The following RBM41 variants were observed in gnomAD, a reference collection of about 807,000 sequenced individuals.
RBM41 encodes RNA-binding protein 41.
Under a neutral mutation model 30.8 loss-of-function variants are expected in RBM41, and 14 were observed. That is an observed-to-expected ratio of 0.45 (90% CI 0.30 to 0.71). RBM41 has a LOEUF of 0.71. Ranked by LOEUF, RBM41 falls within the 30% of genes least tolerant of loss-of-function variation. The probability of loss-of-function intolerance (pLI) is 0.08; values close to 1 mark genes in which losing one functional copy is unlikely to be tolerated. For missense variants in RBM41, 276 were observed against 326.3 expected (o/e 0.85, Z 1.19); for synonymous variants, 120 against 110.1 (o/e 1.09, Z -0.56).
chrX:107,090,971 C>T (rs1359790476), intron 5 of RBM41, among the ~76,000 whole-genome samples: 1 of 108,677 alleles, frequency 9.2e-6, no homozygotes, highest in African/African-American at 3.4e-5. Flanking sequence ...CCCTCCACCC[C>T]CCGAAAGGCC....
At chrX:107,115,681 G>A (rs898770481) in intron 3 of RBM41, 125 bp from the exon 4 acceptor site, 30 of 857,326 alleles carry the variant, frequency 3.5e-5, no homozygotes, top group Middle Eastern at 4.4e-4. Context: ...TGTTAGCTAA[G>A]AAGTTAAAGA....
At chrX:107,070,704 TAAGAG>T (rs753420529) in intron 6 of RBM41, among the ~76,000 whole-genome samples, 24 of 110,621 alleles carry the variant, frequency 2.2e-4, no homozygotes, top group African/African-American at 7.6e-4. Flanking sequence ...CTCAGGAAAA[TAAGAG>T]AAATTATTCT....
In RBM41 at chrX:107,069,303, G is replaced by T. The variant is rs1438113120; in HGVS notation, c.1099C>A (p.Arg367=). ...QEKKGPPIQF[R]MMTGRMRGQA... is the part of the protein sequence containing the mutation. ...CCCCTCATTCGTCCAGTCATCATTC[G>T]GAATTGAATTGGAGGTCCTTTTTTC... Residue 367 remains arginine (R), a synonymous_variant, in exon 7 of 8, where the codon CGA becomes AGA. Transcript: ENST00000685964. 8.3e-7 allele frequency: 1 copy of T among 1,207,882 alleles called. No individual in the cohort carries two copies. The highest frequency in any genetic ancestry group is 3.0e-5 in the East Asian group (1 of 33,717).
At chrX:107,101,658 G>A (rs1475933160) in intron 5 of RBM41, among the ~76,000 whole-genome samples, 1 of 111,811 alleles carries the variant, frequency 8.9e-6, no homozygotes. Context: ...ACCCAACCTT[G>A]CCAACATTTT....
At chrX:107,090,421 A>T (rs1922430893) in intron 5 of RBM41, among the ~76,000 whole-genome samples, 1 of 111,989 alleles carries the variant, frequency 8.9e-6, no homozygotes, top group African/African-American at 3.3e-5. Flanking sequence ...TTTTAGTATA[A>T]TAATGAAATC....
intron 1 of RBM41, among the ~76,000 whole-genome samples, 163 bp downstream of exon 1, chrX:107,118,603 A>G (rs1227030339): frequency 2.7e-5 from 3 of 111,787 alleles, no homozygotes; most frequent in Non-Finnish European, 5.7e-5. Context: ...AGGCCTGTTC[A>G]GCCCGTCTCC....
intron 5 of RBM41, among the ~76,000 whole-genome samples, chrX:107,090,026 G>A (rs1025505396): frequency 8.9e-6 from 1 of 112,261 alleles, no homozygotes; most frequent in African/African-American, 3.2e-5. Context: ...CAGGATAAAT[G>A]CTTGATTCTT....
At chrX:107,110,313 A>T (rs147497601) in intron 5 of RBM41, among the ~76,000 whole-genome samples, 1 of 111,449 alleles carries the variant, frequency 9.0e-6, no homozygotes, top group Non-Finnish European at 1.9e-5. Flanking sequence ...GATACATATA[A>T]ATGCACATAC....
At chrX:107,110,962 A>C (rs1375713076) in intron 5 of RBM41, among the ~76,000 whole-genome samples, 1 of 111,466 alleles carries the variant, frequency 9.0e-6, no homozygotes, top group Non-Finnish European at 1.9e-5. Flanking sequence ...TAACATAAGG[A>C]AAAGCCTTCA....
In RBM41 at chrX:107,080,596, C is replaced by CAAAACAA. The variant is rs1921429709; in HGVS notation, c.999+7833_999+7839dup. Among the ~76,000 whole-genome samples the CAAAACAA allele has an allele frequency of 3.6e-5, 4 of 110,562 alleles. No individual in the cohort carries two copies. The East Asian group carries it at 1.1e-3, about 32-fold the overall frequency. ...CTCTGCCTCAAAACACGAAACAAAA[C>CAAAACAA]AAAACAAAACAAAACAAAACAAAAC... On this transcript the variant is annotated intron_variant, in intron 6 of 7. Coordinates refer to ENST00000685964, the MANE Select transcript of RBM41 (RefSeq NM_001324242.2).
the RBM41 span, among the ~76,000 whole-genome samples, chrX:107,052,337 G>T: frequency 9.0e-6 from 1 of 110,849 alleles, no homozygotes; most frequent in South Asian, 3.9e-4. Flanking sequence ...CTGATTGGTC[G>T]GGTGTGAGCT....
At chrX:107,106,920 A>G (rs1317377259) in intron 5 of RBM41, among the ~76,000 whole-genome samples, 1 of 109,411 alleles carries the variant, frequency 9.1e-6, no homozygotes, top group African/African-American at 3.4e-5. Flanking sequence ...CCTAATGTTA[A>G]ATGACGAGTT....
At chrX:107,055,412 C>T in the RBM41 span, among the ~76,000 whole-genome samples, 73 of 111,911 alleles carry the variant, frequency 6.5e-4, no homozygotes, top group Non-Finnish European at 1.2e-3. Context: ...GCAAGCTCCG[C>T]CTCCCAGGTT....
chrX:107,110,842 A>G (rs994270472), intron 5 of RBM41, among the ~76,000 whole-genome samples: 2 of 111,405 alleles, frequency 1.8e-5, no homozygotes, highest in Admixed American at 9.5e-5. Context: ...ACTGAATATC[A>G]ACATGAAAAT....
chrX:107,112,670 G>C (rs776560118), intron 5 of RBM41, among the ~76,000 whole-genome samples: 14 of 111,655 alleles, frequency 1.3e-4, no homozygotes, highest in Non-Finnish European at 2.5e-4. Flanking sequence ...ACAAACTTTG[G>C]AATGTCCATA....
chrX:107,115,477 C>T lies in RBM41; in HGVS notation c.398G>A (p.Arg133His), dbSNP rs769714202. ...AAATCTCTGTGGCAGGCAAAGAATG[C>T]GCTGACGCTCCGAGATCCTTTCTTC... is the stretch of plus-strand genomic sequence containing the variant. ...DIEERISERQ[R>H]ILCLPQRFAK... is the part of the protein sequence containing the mutation. Residue 133 changes from arginine to histidine, a missense_variant, in exon 4 of 8, where the codon CGC becomes CAC. Transcript: ENST00000685964. 9.9e-6 allele frequency: 12 copies of T among 1,211,288 alleles called. No individual in the cohort carries two copies. Among genetic ancestry groups the T allele is most frequent in the Non-Finnish European group, 1.1e-5 (10 of 895,241 alleles).
At chrX:107,116,194 C>T in intron 2 of RBM41, 140 bp from the exon 3 acceptor site, 4 of 991,119 alleles carry the variant, frequency 4.0e-6, no homozygotes, top group Non-Finnish European at 5.1e-6. Flanking sequence ...TGAAGCACCA[C>T]TGCAACAAAA....
chrX:107,079,308 A>T (rs911147679), intron 6 of RBM41, among the ~76,000 whole-genome samples: 9 of 111,643 alleles, frequency 8.1e-5, no homozygotes, highest in African/African-American at 2.9e-4. Flanking sequence ...TCCTCCCTTT[A>T]CTTATCTGTA....
intron 5 of RBM41, among the ~76,000 whole-genome samples, chrX:107,098,680 C>T (rs1452828918): frequency 9.0e-6 from 1 of 111,341 alleles, no homozygotes; most frequent in Non-Finnish European, 1.9e-5. Context: ...ATGTGAAAGG[C>T]AAAAAACATA....
Sources: gnomAD v4.1 joint callset for allele counts (sites outside exome capture counted in the v4.1 genomes callset) on GRCh38, gnomAD v4.1.1 for gene constraint, MANE v1.5 for transcripts, NCBI Gene and HGNC (gene_info 2026-07-23, HGNC 2026-07-21) for gene names.